DCUN1D1: variants seen among roughly 807,000 people sequenced by gnomAD.
The protein encoded by DCUN1D1 is DCN1-like protein 1.
In DCUN1D1, 3 loss-of-function variants were observed where a neutral mutation model predicts 39.0. The ratio of observed to expected loss-of-function variants is 0.08; its 90% CI spans 0.04 to 0.20. The LOEUF (loss-of-function observed/expected upper bound fraction) is 0.20. DCUN1D1 is among the 10% of genes least tolerant of loss of function. The pLI is 1.00. For synonymous variants in DCUN1D1, 82 were observed against 96.3 expected (o/e 0.85, Z 0.87); for missense variants, 158 against 302.4 (o/e 0.52, Z 3.54).
At chr3:182,947,187 G>A in intron 6 of DCUN1D1, 51 bp downstream of exon 6, 1 of 942,604 alleles carries the variant, frequency 1.1e-6, no homozygotes, top group East Asian at 2.5e-5. Flanking sequence ...TCAAGGGTAT[G>A]GGATAAAAAG....
At chr3:182,965,447 T>C in intron 2 of DCUN1D1, 90 bp downstream of exon 2, 1 of 758,136 alleles carries the variant, frequency 1.3e-6, no homozygotes, top group South Asian at 2.0e-5. Flanking sequence ...CCACCCAATT[T>C]AAGTTATATA....
At chr3:182,954,270 C>G (rs965241622) in intron 4 of DCUN1D1, among the ~76,000 whole-genome samples, 1 of 152,184 alleles carries the variant, frequency 6.6e-6, no homozygotes, top group African/African-American at 2.4e-5. Context: ...GTGAAGAATA[C>G]GCAAAAGTTC....
chr3:182,959,518 A>AAG, intron 4 of DCUN1D1, among the ~76,000 whole-genome samples: 1 of 150,352 alleles, frequency 6.7e-6, no homozygotes, highest in Non-Finnish European at 1.5e-5. Context: ...AAAAAAAAAA[A>AAG]AAAAAAAACC....
At chr3:182,951,639 A>C (rs1354729848) in intron 4 of DCUN1D1, among the ~76,000 whole-genome samples, 2 of 148,632 alleles carry the variant, frequency 1.3e-5, no homozygotes, top group Non-Finnish European at 3.0e-5. Flanking sequence ...AAAAAAAAAA[A>C]AAAAAAACCA....
chr3:182,945,260 A>G (rs1381153569), intron 6 of DCUN1D1, 87 bp from the exon 7 acceptor site: 1 of 992,312 alleles, frequency 1.0e-6, no homozygotes, highest in Non-Finnish European at 1.5e-6. Flanking sequence ...TTTTTTTAAG[A>G]CTTCCTCATA....
At chr3:182,952,884 T>C (rs536533170) in intron 4 of DCUN1D1, among the ~76,000 whole-genome samples, 7 of 152,226 alleles carry the variant, frequency 4.6e-5, no homozygotes, top group Non-Finnish European at 1.0e-4. Context: ...ATCTCTCTTC[T>C]AGTTCAGCTT....
At chr3:182,971,568 C>T (rs1727937759) in intron 1 of DCUN1D1, among the ~76,000 whole-genome samples, 2 of 149,248 alleles carry the variant, frequency 1.3e-5, no homozygotes, top group African/African-American at 5.0e-5. Flanking sequence ...AGGCATGCGA[C>T]CCTATCTTAA....
intron 4 of DCUN1D1, among the ~76,000 whole-genome samples, chr3:182,952,827 G>C (rs1726826372): frequency 6.6e-6 from 1 of 152,132 alleles, no homozygotes; most frequent in Non-Finnish European, 1.5e-5. Flanking sequence ...GCTTATGTTA[G>C]GATATTCCTC....
Position 182,944,966 on chromosome 3 carries a change from TGTCTCAACCCTCA to T in DCUN1D1, c.*115_*127del. The T allele has an allele frequency of 2.7e-6, 2 of 749,954 alleles. No individual in the cohort carries two copies. Among genetic ancestry groups the T allele is most frequent in the Non-Finnish European group, 4.4e-6 (2 of 453,690 alleles). The allele number at this position is 749,954 out of a possible 1,614,324, so 46.5% of individuals were successfully genotyped here. A position where few individuals can be genotyped will look rare whatever the true frequency, so the allele number is the denominator to read the frequency against. On this transcript the variant is annotated 3_prime_UTR_variant, in exon 7 of 7. Transcript: ENST00000292782. ...GGTCCAAGATGTATCCTTAAAGTTT[TGTCTCAACCCTCA>T]GTCTGAATTGTGAGGATTGATCTTC... is the stretch of plus-strand genomic sequence containing the variant.
chr3:182,977,857 T>C (rs1374649400), intron 1 of DCUN1D1, among the ~76,000 whole-genome samples: 1 of 151,860 alleles, frequency 6.6e-6, no homozygotes, highest in African/African-American at 2.4e-5. Context: ...CAGGTCAACA[T>C]AGTGAAACCT....
rs752884012 is a variant in DCUN1D1 at position 182,947,516 on chromosome 3, A to G, written c.603+34T>C. ...ATCTTTAAACATAGCAGAATTTGAG[A>G]AAACAGAGAGAAATGTAGAAAATGT... On this transcript the variant is annotated intron_variant, in intron 5 of 6. Coordinates refer to ENST00000292782, the MANE Select transcript of DCUN1D1 (RefSeq NM_020640.4). 3.0e-6 allele frequency: 4 copies of G among 1,329,556 alleles called. No homozygotes were observed. The African/African-American group carries it at 5.9e-5, about 19-fold the overall frequency. 82.4% of individuals were successfully genotyped at this position (1,329,556 alleles called of 1,614,324 possible).
chr3:182,965,932 G>C (rs1301127875), intron 1 of DCUN1D1, among the ~76,000 whole-genome samples, 179 bp from the exon 2 acceptor site: 1 of 152,072 alleles, frequency 6.6e-6, no homozygotes, highest in Non-Finnish European at 1.5e-5. Context: ...TAAAAAATAT[G>C]AAACAGAAAA....
At chr3:182,969,473 T>C (rs984195291) in intron 1 of DCUN1D1, among the ~76,000 whole-genome samples, 1 of 152,238 alleles carries the variant, frequency 6.6e-6, no homozygotes, top group Non-Finnish European at 1.5e-5. Context: ...TCTCTGTTTC[T>C]ACTACAAACC....
chr3:182,956,190 G>A, intron 4 of DCUN1D1: 1 of 237,736 alleles, frequency 4.2e-6, no homozygotes. Flanking sequence ...AGCCTCCAAA[G>A]TGCTAGGATT....
rs1260606883 is a variant in DCUN1D1 at position 182,952,016 on chromosome 3, AG to A, written c.521-4385del. ...CGTCCAAAAGAAGGGAATTTCTTATAGTCTACACTCATTGCCCGGTTTCCCC... is the reference window on the plus strand; with the variant it reads ...CGTCCAAAAGAAGGGAATTTCTTATATCTACACTCATTGCCCGGTTTCCCC... On this transcript the variant is annotated intron_variant, in intron 4 of 6. Coordinates refer to ENST00000292782, the MANE Select transcript of DCUN1D1 (RefSeq NM_020640.4). Among the ~76,000 whole-genome samples, 3 of 152,128 alleles carry A rather than the reference AG, an allele frequency of 2.0e-5. No individual in the cohort carries two copies. The East Asian group carries it at 5.8e-4, about 29-fold the overall frequency.
chr3:182,958,548 G>T (rs911613430), intron 4 of DCUN1D1, among the ~76,000 whole-genome samples: 10 of 152,090 alleles, frequency 6.6e-5, no homozygotes, highest in African/African-American at 2.4e-4. Flanking sequence ...ATAACATAAA[G>T]TTTATCATCT....
chr3:182,949,578 T>G (rs1373568524), intron 4 of DCUN1D1, among the ~76,000 whole-genome samples: 1 of 151,818 alleles, frequency 6.6e-6, no homozygotes, highest in East Asian at 1.9e-4. Context: ...AAATTAGCCA[T>G]TCATGGTGGT....
rs553204540 is a variant in DCUN1D1, at chr3:182,958,576, G to A, written c.520+2650C>T. Among the ~76,000 whole-genome samples, 5 of 152,242 alleles carry A rather than the reference G, an allele frequency of 3.3e-5. No individual in the cohort carries two copies. The South Asian group carries it at 8.3e-4, about 25-fold the overall frequency. ...TATCATCTGAATCTTTTTGAAGGGTGCAGTTCAGTGTGAAGTACATTCACA... is the reference window on the plus strand; with the variant it reads ...TATCATCTGAATCTTTTTGAAGGGTACAGTTCAGTGTGAAGTACATTCACA... On this transcript the variant is annotated intron_variant, in intron 4 of 6. Transcript: ENST00000292782.
intron 6 of DCUN1D1, among the ~76,000 whole-genome samples, chr3:182,946,407 A>T (rs1726403762): frequency 6.6e-6 from 1 of 152,034 alleles, no homozygotes; most frequent in Admixed American, 6.6e-5. Flanking sequence ...AATACAAAAA[A>T]TTAGGTGAAC....
Sources: gnomAD v4.1 joint callset for allele counts (sites outside exome capture counted in the v4.1 genomes callset) on GRCh38, gnomAD v4.1.1 for gene constraint, MANE v1.5 for transcripts, NCBI Gene and HGNC (gene_info 2026-07-23, HGNC 2026-07-21) for gene names.